LRBA: variants seen among roughly 807,000 people sequenced by gnomAD.
LRBA encodes lipopolysaccharide-responsive and beige-like anchor protein.
In LRBA, 176 loss-of-function variants were observed where a neutral mutation model predicts 330.0. That is an observed-to-expected ratio of 0.53 (90% CI 0.47 to 0.60). The LOEUF is 0.60. Among genes scored for constraint, LRBA ranks in the 20% least tolerant of loss-of-function variants. LRBA has a pLI of 0.00. For synonymous variants in LRBA, 1,230 were observed against 1,193.0 expected (o/e 1.03, Z -0.64); for missense variants, 3,259 against 3,444.8 (o/e 0.95, Z 1.35).
At chr4:150,981,743 G>A (rs2952814) in intron 2 of LRBA, among the ~76,000 whole-genome samples, 16,263 of 151,972 alleles carry the variant, frequency 0.11, 1,197 homozygotes, top group South Asian at 0.29. Context: ...GGTGGATCAC[G>A]AGGTCAGGAG....
At chr4:150,945,045 C>A (rs998427679) in intron 2 of LRBA, among the ~76,000 whole-genome samples, 8 of 152,212 alleles carry the variant, frequency 5.3e-5, no homozygotes, top group African/African-American at 1.7e-4. Flanking sequence ...TTAAAACTCA[C>A]TTTCTTTATA....
chr4:150,513,027 G>A (rs999148055), intron 40 of LRBA, among the ~76,000 whole-genome samples: 1 of 152,180 alleles, frequency 6.6e-6, no homozygotes, highest in African/African-American at 2.4e-5. Context: ...GCTTATGAGA[G>A]ACAGACAAAA....
In LRBA at chr4:150,997,417, C is replaced by A. The variant is rs75216053; in HGVS notation, c.216+17010G>T. On this transcript the variant is annotated intron_variant, in intron 2 of 56. Coordinates refer to ENST00000651943, the MANE Select transcript of LRBA (RefSeq NM_001364905.1). ...CTCAAACTATTGTGTTTCAAAAGTT[C>A]ATCCCCATGCAGATAAACATGTTAA... Among the ~76,000 whole-genome samples, 918 of 152,288 alleles carry A rather than the reference C, an allele frequency of 6.0e-3. 6 individuals are homozygous for A. Among genetic ancestry groups the A allele is most frequent in the Non-Finnish European group, 0.011 (741 of 68,016 alleles).
At chr4:150,454,736 G>A (rs1036159045) in intron 44 of LRBA, among the ~76,000 whole-genome samples, 5 of 151,826 alleles carry the variant, frequency 3.3e-5, no homozygotes, top group African/African-American at 1.2e-4. Context: ...TTCCCCCTCA[G>A]CCTTCTCCCT....
intron 36 of LRBA, among the ~76,000 whole-genome samples, chr4:150,728,971 A>G (rs1049487227): frequency 6.6e-6 from 1 of 152,212 alleles, no homozygotes; most frequent in African/African-American, 2.4e-5. Flanking sequence ...CCAAAAAACT[A>G]TAAGAACTGA....
At chr4:150,704,475 C>A (rs1353799467) in intron 36 of LRBA, among the ~76,000 whole-genome samples, 2 of 151,856 alleles carry the variant, frequency 1.3e-5, no homozygotes, top group Non-Finnish European at 2.9e-5. Context: ...AGCCACTGAT[C>A]TAAATCAAAT....
At chr4:150,719,602 G>A (rs1204630839) in intron 36 of LRBA, among the ~76,000 whole-genome samples, 1 of 151,920 alleles carries the variant, frequency 6.6e-6, no homozygotes, top group Non-Finnish European at 1.5e-5. Context: ...AAACAAACTG[G>A]TTCTAGAACT....
intron 34 of LRBA, among the ~76,000 whole-genome samples, chr4:150,764,070 T>C (rs1400089593): frequency 3.3e-5 from 5 of 151,812 alleles, no homozygotes. Context: ...GTTGAGTGAG[T>C]TTTCACTTAG....
intron 51 of LRBA, among the ~76,000 whole-genome samples, chr4:150,311,952 T>C (rs1731129610): frequency 1.3e-5 from 2 of 152,202 alleles, no homozygotes; most frequent in Admixed American, 1.3e-4. Context: ...AAACAAGGTA[T>C]GTGGTACTTT....
intron 47 of LRBA, among the ~76,000 whole-genome samples, chr4:150,395,734 G>A (rs1194651824): frequency 2.0e-5 from 3 of 152,032 alleles, no homozygotes; most frequent in African/African-American, 7.2e-5. Flanking sequence ...AGAAACCTAT[G>A]CAATGGCCAT....
intron 47 of LRBA, among the ~76,000 whole-genome samples, chr4:150,397,446 A>G (rs1032461860): frequency 6.6e-6 from 1 of 151,710 alleles, no homozygotes; most frequent in African/African-American, 2.4e-5. Flanking sequence ...CCCAGCTAAT[A>G]TTTTTACTTT....
intron 46 of LRBA, among the ~76,000 whole-genome samples, chr4:150,420,292 T>TGC (rs1748464785): frequency 4.1e-5 from 6 of 147,382 alleles, no homozygotes; most frequent in Admixed American, 2.1e-4. Context: ...ATATATATAA[T>TGC]ACACATTATA....
chr4:150,280,756 G>A (rs1260965164), intron 55 of LRBA, among the ~76,000 whole-genome samples: 1 of 152,218 alleles, frequency 6.6e-6, no homozygotes, highest in Non-Finnish European at 1.5e-5. Context: ...TGGAGATTCT[G>A]CCCTGTGGTG....
At chr4:150,416,304 T>C (rs1185977512) in intron 46 of LRBA, among the ~76,000 whole-genome samples, 2 of 152,236 alleles carry the variant, frequency 1.3e-5, no homozygotes, top group Non-Finnish European at 2.9e-5. Context: ...AATCCAGTCT[T>C]GACATGGGTC....
At position 150,702,051 on chromosome 4, in the gene LRBA, C is replaced by T. The variant is rs937594402; in HGVS notation, c.5755-18334G>A. Among the ~76,000 whole-genome samples, 10 of 152,100 alleles carry T rather than the reference C, an allele frequency of 6.6e-5. No individual in the cohort carries two copies. In the East Asian group the frequency reaches 1.2e-3, roughly 18 times the overall value. ...GGGAAAAAGTTAGGAGAAAATCAAG[C>T]GGGAGAATAAAGAAGAAAAGACAAA... is the stretch of plus-strand genomic sequence containing the variant. On this transcript the variant is annotated intron_variant, in intron 36 of 56. Transcript: ENST00000651943.
intron 53 of LRBA, among the ~76,000 whole-genome samples, chr4:150,300,046 T>C (rs1424127902): frequency 6.6e-6 from 1 of 152,134 alleles, no homozygotes; most frequent in Non-Finnish European, 1.5e-5. Flanking sequence ...CTTGCATGAA[T>C]GTTTGAAACA....
chr4:150,272,046 C>T (rs1028826305), intron 56 of LRBA, among the ~76,000 whole-genome samples: 1 of 152,168 alleles, frequency 6.6e-6, no homozygotes, highest in Non-Finnish European at 1.5e-5. Flanking sequence ...GGGTCCTCAA[C>T]CCCTGTGTCT....
intron 46 of LRBA, among the ~76,000 whole-genome samples, chr4:150,426,344 T>C (rs557902882): frequency 6.6e-6 from 1 of 152,098 alleles, no homozygotes; most frequent in Non-Finnish European, 1.5e-5. Context: ...AAACTGTTAT[T>C]TCAAATGCAT....
rs564381850 is a variant in LRBA at position 150,928,377 on chromosome 4, G to A, written c.549+139C>T. ...TCCAAGTATGGCACGAGTAGCCACA[G>A]GGATCTCAATGCTATTTTAATTAAT... On this transcript the variant is annotated intron_variant, in intron 4 of 56. Coordinates refer to ENST00000651943, the MANE Select transcript of LRBA (RefSeq NM_001364905.1). 7 of 587,920 alleles carry A rather than the reference G, an allele frequency of 1.2e-5. No individual in the cohort carries two copies. The East Asian group carries it at 1.7e-4, about 14-fold the overall frequency. The allele number at this position is 587,920 out of a possible 1,614,324, so 36.4% of individuals were successfully genotyped here. A position where few individuals can be genotyped will look rare whatever the true frequency, so the allele number is the denominator to read the frequency against.
Sources: gnomAD v4.1 joint callset for allele counts (sites outside exome capture counted in the v4.1 genomes callset) on GRCh38, gnomAD v4.1.1 for gene constraint, MANE v1.5 for transcripts, NCBI Gene and HGNC (gene_info 2026-07-23, HGNC 2026-07-21) for gene names.